Variants in AGBL4 observed in about 807,000 individuals in gnomAD.
AGBL4 encodes cytosolic carboxypeptidase 6.
In AGBL4, 58 loss-of-function variants were observed where a neutral mutation model predicts 66.4. The observed-to-expected ratio is 0.87, with a 90% CI of 0.71 to 1.09. The LOEUF is 1.09. Among genes scored for constraint, AGBL4 ranks in the 50% least tolerant of loss-of-function variants. The probability of loss-of-function intolerance (pLI) is 0.00; values close to 1 mark genes in which losing one functional copy is unlikely to be tolerated. For synonymous variants in AGBL4, 234 were observed against 222.9 expected, an observed-to-expected ratio of 1.05 and a Z score of -0.44; for missense variants, 579 against 631.0, an observed-to-expected ratio of 0.92 and a Z score of 0.88.
chr1:48,825,812 G>A (rs1004046638), intron 6 of AGBL4, among the ~76,000 whole-genome samples: 1 of 152,208 alleles, frequency 6.6e-6, no homozygotes, highest in African/African-American at 2.4e-5. Flanking sequence ...GTCTGTATGT[G>A]TCTCTCAGTG....
At chr1:49,622,731 C>T (rs980563767) in intron 3 of AGBL4, among the ~76,000 whole-genome samples, 4 of 151,146 alleles carry the variant, frequency 2.6e-5, no homozygotes, top group Non-Finnish European at 4.4e-5. Context: ...AAATTACCTA[C>T]CAATAATGCC....
intron 6 of AGBL4, among the ~76,000 whole-genome samples, chr1:48,830,563 A>G (rs1186154340): frequency 2.0e-5 from 3 of 152,242 alleles, no homozygotes; most frequent in Non-Finnish European, 2.9e-5. Flanking sequence ...TGATAAGTTA[A>G]TAAATGAATG....
chr1:49,848,207 G>T (rs1368091497), intron 2 of AGBL4, among the ~76,000 whole-genome samples: 2 of 152,070 alleles, frequency 1.3e-5, no homozygotes, highest in Non-Finnish European at 2.9e-5. Flanking sequence ...ACAGTATGGA[G>T]ATTTTTCTAA....
chr1:48,567,125 T>C (rs1211494411), intron 11 of AGBL4, among the ~76,000 whole-genome samples: 1 of 152,194 alleles, frequency 6.6e-6, no homozygotes, highest in Non-Finnish European at 1.5e-5. Flanking sequence ...CATTGAGCCT[T>C]TGTTTTCTAA....
At chr1:49,106,083 T>C (rs1036409231) in intron 4 of AGBL4, among the ~76,000 whole-genome samples, 1 of 152,202 alleles carries the variant, frequency 6.6e-6, no homozygotes, top group African/African-American at 2.4e-5. Context: ...CTAACCACAG[T>C]AGATTCAAAA....
At chr1:48,976,239 T>A (rs1183253634) in intron 5 of AGBL4, among the ~76,000 whole-genome samples, 1 of 152,168 alleles carries the variant, frequency 6.6e-6, no homozygotes, top group Admixed American at 6.6e-5. Context: ...ATTCCTTGGA[T>A]GTCAGTTAGT....
chr1:49,872,071 G>A (rs1163604014), intron 1 of AGBL4, among the ~76,000 whole-genome samples: 1 of 151,936 alleles, frequency 6.6e-6, no homozygotes, highest in African/African-American at 2.4e-5. Context: ...TACACAAACT[G>A]AATTAACAGA....
In AGBL4 at chr1:49,576,871, T is replaced by G. The variant is rs1326971001; in HGVS notation, c.282+120442A>C. ...TTCTGCACGATATGTAGAAACCACC[T>G]GAAACTGGACAGCTGCAGCACTACA... is the stretch of plus-strand genomic sequence containing the variant. On this transcript the variant is annotated intron_variant, in intron 3 of 13. Transcript: ENST00000371839. Among the ~76,000 whole-genome samples, 4 of 152,152 alleles carry G rather than the reference T, an allele frequency of 2.6e-5. No individual in the cohort carries two copies. The East Asian group carries it at 7.7e-4, about 29-fold the overall frequency.
At chr1:49,416,181 A>C (rs560963637) in intron 3 of AGBL4, among the ~76,000 whole-genome samples, 116 of 152,114 alleles carry the variant, frequency 7.6e-4, no homozygotes, top group Non-Finnish European at 1.4e-3. Flanking sequence ...TTTATATACT[A>C]GTCAAATTAA....
At chr1:49,602,691 C>A (rs928365595) in intron 3 of AGBL4, among the ~76,000 whole-genome samples, 8 of 150,628 alleles carry the variant, frequency 5.3e-5, no homozygotes, top group African/African-American at 2.0e-4. Context: ...GGGGCCTGTT[C>A]GTGGGGTTGG....
At chr1:48,845,054 T>G (rs552705885) in intron 6 of AGBL4, among the ~76,000 whole-genome samples, 3 of 152,328 alleles carry the variant, frequency 2.0e-5, no homozygotes, top group East Asian at 3.9e-4. Flanking sequence ...CTAGTATGTT[T>G]TTTCTTGTAT....
At chr1:49,572,996 C>T (rs1236068156) in intron 3 of AGBL4, among the ~76,000 whole-genome samples, 1 of 152,164 alleles carries the variant, frequency 6.6e-6, no homozygotes, top group Non-Finnish European at 1.5e-5. Context: ...TGCCCTTGAA[C>T]ATCAGACTCC....
At chr1:48,804,096 C>T (rs1171270418) in intron 6 of AGBL4, among the ~76,000 whole-genome samples, 2 of 152,076 alleles carry the variant, frequency 1.3e-5, no homozygotes, top group Non-Finnish European at 2.9e-5. Context: ...CAAACACTAG[C>T]TCTTATTATT....
chr1:49,869,019 G>C (rs994504544), intron 1 of AGBL4, among the ~76,000 whole-genome samples: 1 of 152,170 alleles, frequency 6.6e-6, no homozygotes, highest in Non-Finnish European at 1.5e-5. Flanking sequence ...CTGATCATTA[G>C]AGAAATGCAA....
At chr1:48,647,545 A>T in intron 8 of AGBL4, 1 of 393,576 alleles carries the variant, frequency 2.5e-6, no homozygotes, top group Non-Finnish European at 5.1e-6. Context: ...CAATAAATTT[A>T]TTCAAAGGTC....
chr1:49,012,078 C>A (rs945055279), intron 5 of AGBL4, among the ~76,000 whole-genome samples: 1 of 151,510 alleles, frequency 6.6e-6, no homozygotes, highest in Non-Finnish European at 1.5e-5. Context: ...AACTCCCCCA[C>A]CCCCTCCAAG....
At chr1:48,783,268 C>T (rs961405105) in intron 6 of AGBL4, among the ~76,000 whole-genome samples, 1 of 152,116 alleles carries the variant, frequency 6.6e-6, no homozygotes, top group Non-Finnish European at 1.5e-5. Flanking sequence ...TGTAGTCACA[C>T]CATAAAGCAG....
intron 3 of AGBL4, among the ~76,000 whole-genome samples, chr1:49,574,983 G>A (rs1301964112): frequency 1.3e-5 from 2 of 152,100 alleles, no homozygotes; most frequent in Admixed American, 1.3e-4. Context: ...TACAGACCCA[G>A]AACCCCTTGA....
intron 4 of AGBL4, among the ~76,000 whole-genome samples, chr1:49,147,602 G>A (rs1569826613): frequency 6.6e-6 from 1 of 152,134 alleles, no homozygotes; most frequent in East Asian, 1.9e-4. Context: ...GCCACCTCCA[G>A]GTTTCCAGTG....
Sources: gnomAD v4.1 joint callset for allele counts (sites outside exome capture counted in the v4.1 genomes callset) on GRCh38, gnomAD v4.1.1 for gene constraint, MANE v1.5 for transcripts, NCBI Gene and HGNC (gene_info 2026-07-23, HGNC 2026-07-21) for gene names.